SRPK2: variants seen among roughly 807,000 people sequenced by gnomAD.
The protein encoded by SRPK2 is SRSF protein kinase 2.
SRPK2 carries 21 observed loss-of-function variants against 90.8 expected under a neutral mutation model. That is an observed-to-expected ratio of 0.23 (90% confidence interval 0.16 to 0.33). The LOEUF (loss-of-function observed/expected upper bound fraction) is 0.33. Ranked by LOEUF, SRPK2 falls within the 10% of genes least tolerant of loss-of-function variation. The pLI is 1.00. For missense variants in SRPK2, 620 were observed against 869.0 expected, an observed-to-expected ratio of 0.71 and a Z score of 3.60; for synonymous variants, 288 against 311.1, an observed-to-expected ratio of 0.93 and a Z score of 0.78.
At chr7:105,298,911 G>T in intron 2 of SRPK2, 1 of 448,070 alleles carries the variant, frequency 2.2e-6, no homozygotes, top group Non-Finnish European at 3.0e-6. Flanking sequence ...AGCTCAGTTA[G>T]CACACAGTGA....
intron 2 of SRPK2, among the ~76,000 whole-genome samples, chr7:105,351,316 A>G (rs2132065586): frequency 6.6e-6 from 1 of 151,986 alleles, no homozygotes; most frequent in Middle Eastern, 3.4e-3. Context: ...GCAGAACTGA[A>G]AGAAATAAAT....
intron 9 of SRPK2, 44 bp from the exon 10 acceptor site, chr7:105,143,374 G>T: frequency 2.5e-6 from 4 of 1,587,296 alleles, no homozygotes; most frequent in Non-Finnish European, 3.4e-6. Context: ...TCTTTTTAAA[G>T]CACCACGATA....
chr7:105,354,486 G>A (rs1325437226), intron 2 of SRPK2, among the ~76,000 whole-genome samples: 1 of 152,174 alleles, frequency 6.6e-6, no homozygotes. Flanking sequence ...AAGTAGCATA[G>A]GTAAGCATTA....
At chr7:105,119,746 C>T (rs1244152018) in intron 15 of SRPK2, among the ~76,000 whole-genome samples, 3 of 152,166 alleles carry the variant, frequency 2.0e-5, no homozygotes, top group Non-Finnish European at 2.9e-5. Flanking sequence ...CCTGAAATTC[C>T]GGCTCTAGGA....
chr7:105,328,762 G>A (rs898302678), intron 2 of SRPK2, among the ~76,000 whole-genome samples: 10 of 151,602 alleles, frequency 6.6e-5, no homozygotes, highest in African/African-American at 2.2e-4. Flanking sequence ...CTACTCAGGA[G>A]GCTGAGGCAG....
At chr7:105,144,943 TA>T (rs1439157482) in intron 9 of SRPK2, among the ~76,000 whole-genome samples, 1 of 151,882 alleles carries the variant, frequency 6.6e-6, no homozygotes, top group South Asian at 2.1e-4. Flanking sequence ...CCCTCTCTAC[TA>T]AAAATACAAA....
chr7:105,217,532 A>G (rs1355263431), intron 2 of SRPK2, among the ~76,000 whole-genome samples: 2 of 152,206 alleles, frequency 1.3e-5, no homozygotes, highest in East Asian at 3.8e-4. Flanking sequence ...TATACCTGAC[A>G]GAGCAGGACT....
chr7:105,139,284 C>A (rs1803343712), intron 11 of SRPK2, among the ~76,000 whole-genome samples: 1 of 152,134 alleles, frequency 6.6e-6, no homozygotes, highest in Non-Finnish European at 1.5e-5. Context: ...AGCCAAGACA[C>A]CAGTAAGGAA....
chr7:105,248,850 C>T (rs890952861), intron 2 of SRPK2, among the ~76,000 whole-genome samples: 2 of 150,322 alleles, frequency 1.3e-5, no homozygotes, highest in Non-Finnish European at 3.0e-5. Flanking sequence ...GGCGTGAACC[C>T]GGGAGGCAGA....
At chr7:105,324,461 G>A (rs372476061) in intron 2 of SRPK2, among the ~76,000 whole-genome samples, 5 of 152,172 alleles carry the variant, frequency 3.3e-5, no homozygotes, top group African/African-American at 7.2e-5. Context: ...GATTACAGGC[G>A]TGAGCCACCA....
intron 2 of SRPK2, among the ~76,000 whole-genome samples, chr7:105,373,106 TC>T (rs1182260060): frequency 1.3e-5 from 2 of 151,966 alleles, no homozygotes; most frequent in Non-Finnish European, 2.9e-5. Context: ...AATCTGTGGG[TC>T]CTATTGGACC....
chr7:105,296,586 G>A (rs779733261), intron 2 of SRPK2, among the ~76,000 whole-genome samples: 5 of 152,134 alleles, frequency 3.3e-5, no homozygotes, highest in Non-Finnish European at 4.4e-5. Flanking sequence ...AACAGGAGAG[G>A]AAAGAAAATA....
chr7:105,115,691 ATAAAC>A (rs146704358), downstream of SRPK2, among the ~76,000 whole-genome samples: 520 of 152,308 alleles, frequency 3.4e-3, 10 homozygotes, highest in East Asian at 0.058. Context: ...TTTCTGTATT[ATAAAC>A]TAGTTAGGCT....
At position 105,375,439 on chromosome 7, in the gene SRPK2, T is replaced by C. The variant is rs1218496501; in HGVS notation, c.71+13209A>G. Reference sequence around the variant, plus strand: ...GCTCACACCTGTAATCCCAACACTTTGGGGAGCCAAGGTGGGAAGACAGCT... The same window carrying C: ...GCTCACACCTGTAATCCCAACACTTCGGGGAGCCAAGGTGGGAAGACAGCT... On this transcript the variant is annotated intron_variant, in intron 2 of 15. Transcript: ENST00000393651. 5.3e-5 allele frequency among the ~76,000 whole-genome samples: 8 copies of C among 152,280 alleles called. No individual in the cohort carries two copies. In the East Asian group the frequency reaches 1.2e-3, roughly 22 times the overall value.
intron 2 of SRPK2, among the ~76,000 whole-genome samples, chr7:105,367,435 G>A (rs952067691): frequency 2.6e-5 from 4 of 151,952 alleles, no homozygotes; most frequent in Non-Finnish European, 4.4e-5. Context: ...GTTAATTTTT[G>A]TATTTTTTAT....
chr7:105,357,332 C>T (rs73186102), intron 2 of SRPK2, among the ~76,000 whole-genome samples: 7,947 of 152,272 alleles, frequency 0.052, 321 homozygotes, highest in East Asian at 0.16. Context: ...AGCCACTGCG[C>T]CCAGCCAAAT....
At chr7:105,239,835 C>G (rs896253831) in intron 2 of SRPK2, among the ~76,000 whole-genome samples, 1 of 152,200 alleles carries the variant, frequency 6.6e-6, no homozygotes, top group East Asian at 1.9e-4. Flanking sequence ...CTAGGATCTT[C>G]GCAGCAGTGT....
chr7:105,374,016 C>T (rs565359245), intron 2 of SRPK2, among the ~76,000 whole-genome samples: 2 of 152,216 alleles, frequency 1.3e-5, no homozygotes, highest in South Asian at 2.1e-4. Context: ...CAACGTCTAC[C>T]TCTTGTGTTC....
intron 2 of SRPK2, among the ~76,000 whole-genome samples, chr7:105,243,584 C>A: frequency 6.8e-6 from 1 of 148,016 alleles, no homozygotes; most frequent in African/African-American, 2.5e-5. Flanking sequence ...TGAGCCAAGA[C>A]CGCACCATTG....
Sources: gnomAD v4.1 joint callset for allele counts (sites outside exome capture counted in the v4.1 genomes callset) on GRCh38, gnomAD v4.1.1 for gene constraint, MANE v1.5 for transcripts, NCBI Gene and HGNC (gene_info 2026-07-23, HGNC 2026-07-21) for gene names.